Variants in COL4A4 observed in about 807,000 individuals in gnomAD.
COL4A4 encodes collagen type IV alpha 4 chain, also known as collagen alpha-4(IV) chain.
A neutral mutation model predicts 192.9 loss-of-function variants in COL4A4; 105 were observed. That is an observed-to-expected ratio of 0.54 (90% CI 0.46 to 0.64). COL4A4 has a LOEUF of 0.64. Ranked by LOEUF, COL4A4 falls within the 30% of genes least tolerant of loss-of-function variation. COL4A4 has a pLI of 0.00. For missense variants in COL4A4, 1,967 were observed against 2,169.3 expected (o/e 0.91, Z 1.85); for synonymous variants, 762 against 769.9 (o/e 0.99, Z 0.17).
At chr2:227,158,406 C>T (rs1454677849) in intron 1 of COL4A4, among the ~76,000 whole-genome samples, 2 of 152,134 alleles carry the variant, frequency 1.3e-5, no homozygotes, top group Non-Finnish European at 2.9e-5. Context: ...AAAATTTCTG[C>T]AATTTTGGCA....
At chr2:227,030,413 A>G (rs1000139419) in intron 41 of COL4A4, 30 bp downstream of exon 41, 1 of 1,612,068 alleles carries the variant, frequency 6.2e-7, no homozygotes, top group Admixed American at 1.7e-5. Context: ...CAAGTTATTC[A>G]CATATTACTT....
At chr2:227,036,966 T>G (rs543321041) in intron 37 of COL4A4, among the ~76,000 whole-genome samples, 11 of 152,214 alleles carry the variant, frequency 7.2e-5, no homozygotes, top group Non-Finnish European at 1.5e-4. Context: ...GTTCTTGTCA[T>G]GCTACAGGTA....
chr2:227,084,005 A>G (rs543733594), intron 22 of COL4A4, among the ~76,000 whole-genome samples: 6 of 152,306 alleles, frequency 3.9e-5, no homozygotes, highest in African/African-American at 1.4e-4. Context: ...TCCACACATA[A>G]CTCAATATCT....
chr2:226,988,333 A>T, the COL4A4 span: 2 of 1,549,452 alleles, frequency 1.3e-6, no homozygotes, highest in South Asian at 2.4e-5. Context: ...CATCTGCAGG[A>T]AAACCAGGTC....
At chr2:227,027,495 G>T (rs1344093400) in intron 42 of COL4A4, among the ~76,000 whole-genome samples, 1 of 131,230 alleles carries the variant, frequency 7.6e-6, no homozygotes, top group Non-Finnish European at 1.6e-5. Flanking sequence ...GAGGAGGGGG[G>T]AGGGGGGAGG....
intron 17 of COL4A4, among the ~76,000 whole-genome samples, chr2:227,100,869 A>G (rs1245603229): frequency 2.0e-5 from 3 of 149,220 alleles, no homozygotes; most frequent in African/African-American, 7.5e-5. Context: ...CAGTGGTGTG[A>G]TCTCAGCTCA....
At position 227,002,723 on chromosome 2, in the gene COL4A4, G is replaced by C. The variant is rs1054415; in HGVS notation, c.*4602C>G. The C allele has an allele frequency of 0.077, 11,742 of 152,710 alleles. 491 individuals carry two copies. The highest frequency in any genetic ancestry group is 0.18 in the East Asian group (928 of 5,184). 9.5% of individuals were successfully genotyped at this position (152,710 alleles called of 1,614,324 possible). ...AGATAAAACACAGTTGTTTTTGGAA[G>C]TCATCACAGAATTTTATATATAATG... On this transcript the variant is annotated 3_prime_UTR_variant, in exon 48 of 48. Transcript: ENST00000396625.
intron 6 of COL4A4, among the ~76,000 whole-genome samples, chr2:227,119,344 C>T (rs1307938061): frequency 3.3e-5 from 5 of 151,062 alleles, no homozygotes; most frequent in South Asian, 2.1e-4. Context: ...AAAGAGTTTG[C>T]TATGTATAAT....
In COL4A4 at chr2:227,051,171, G is replaced by T. The variant is rs752646263; in HGVS notation, c.2969-13C>A. The T allele has an allele frequency of 3.7e-6, 6 of 1,614,026 alleles. No homozygotes were observed. Among genetic ancestry groups the T allele is most frequent in the Non-Finnish European group, 5.1e-6 (6 of 1,179,900 alleles). Reference sequence around the variant, plus strand: ...GTTCCTTTATCACCTGATGAAGTTGGAAGTGTTACAGGTCTCTGCTGAAAT... The same window carrying T: ...GTTCCTTTATCACCTGATGAAGTTGTAAGTGTTACAGGTCTCTGCTGAAAT... On this transcript the variant is annotated splice_polypyrimidine_tract_variant and intron_variant, in intron 32 of 47. Coordinates refer to ENST00000396625, the MANE Select transcript of COL4A4 (RefSeq NM_000092.5).
At chr2:227,142,117 A>C (rs2063257166) in intron 3 of COL4A4, among the ~76,000 whole-genome samples, 1 of 143,862 alleles carries the variant, frequency 7.0e-6, no homozygotes. Flanking sequence ...AAAAAAAAAA[A>C]ACAGGAATAG....
intron 46 of COL4A4, 104 bp from the exon 47 acceptor site, chr2:227,008,408 C>T: frequency 7.6e-7 from 1 of 1,308,130 alleles, no homozygotes; most frequent in Admixed American, 1.9e-5. Context: ...GTTCTGAAAT[C>T]TGGAGGCCCT....
intron 23 of COL4A4, among the ~76,000 whole-genome samples, chr2:227,081,325 C>T (rs1473934986): frequency 6.6e-6 from 1 of 152,220 alleles, no homozygotes; most frequent in Non-Finnish European, 1.5e-5. Flanking sequence ...GTGGGATAAG[C>T]TGGCTTGCTG....
Position 227,045,966 on chromosome 2 carries a change from T to TA in COL4A4, c.3289+1508_3289+1509insT, listed in dbSNP as rs1559489750. ...ATGTATATATGTATATATGTATATA[T>TA]TTATATGTGTATATGTATATATTTA... On this transcript the variant is annotated intron_variant, in intron 35 of 47. Transcript: ENST00000396625. Among the ~76,000 whole-genome samples, 296 of 43,926 alleles carry TA rather than the reference T, an allele frequency of 6.7e-3. 9 individuals carry two copies. Among genetic ancestry groups the TA allele is most frequent in the African/African-American group, 0.019 (248 of 13,236 alleles). 28.8% of individuals were successfully genotyped at this position (43,926 alleles called of 152,430 possible).
At chr2:227,134,570 G>A (rs2062690883) in intron 4 of COL4A4, among the ~76,000 whole-genome samples, 1 of 152,148 alleles carries the variant, frequency 6.6e-6, no homozygotes, top group African/African-American at 2.4e-5. Context: ...CTGAGTTCTA[G>A]AACTTTGAGT....
chr2:227,103,150 T>A lies in COL4A4; in HGVS notation c.864A>T (p.Gly288=). 1 of 1,610,776 alleles carries A rather than the reference T, an allele frequency of 6.2e-7. No homozygotes were observed. The highest frequency in any genetic ancestry group is 8.5e-7 in the Non-Finnish European group (1 of 1,178,676). Residue 288 remains glycine (G), a synonymous_variant, in exon 14 of 48, where the codon GGA becomes GGT. Transcript: ENST00000396625. The stretch of plus-strand genomic sequence containing the variant: ...AGGTACTTAAATAAACTACCTTGCG[T>A]CCTGGTGGTCCTGGCAGTCCAACCA... ...PGMVGLPGPP[G]RKGESGIGAK... is the part of the protein sequence containing the mutation.
chr2:227,100,352 A>C (rs2060437607), intron 17 of COL4A4, among the ~76,000 whole-genome samples: 1 of 125,408 alleles, frequency 8.0e-6, no homozygotes, highest in Non-Finnish European at 1.8e-5. Context: ...TTAATATGAC[A>C]CTGATATGAT....
Position 227,059,397 on chromosome 2 carries a change from C to T in COL4A4, c.2383+8G>A, listed in dbSNP as rs1421683012. The T allele has an allele frequency of 6.2e-7, 1 of 1,612,494 alleles. No homozygotes were observed. Among genetic ancestry groups the T allele is most frequent in the Non-Finnish European group, 8.5e-7 (1 of 1,178,574 alleles). ...CTATGCACCAAAAGGACAGCAAAGC[C>T]CTCATACCTTCAGCCCCTGGACATC... On this transcript the variant is annotated splice_region_variant and intron_variant, in intron 28 of 47. Transcript: ENST00000396625.
chr2:227,117,683 G>T (rs532235793), intron 7 of COL4A4, among the ~76,000 whole-genome samples: 1 of 151,692 alleles, frequency 6.6e-6, no homozygotes, highest in South Asian at 2.1e-4. Flanking sequence ...ATTTGGAAAG[G>T]TCAAATAATC....
Position 227,015,421 on chromosome 2 carries a change from TG to T in COL4A4, c.4217-3125del, listed in dbSNP as rs565111892. On this transcript the variant is annotated intron_variant, in intron 44 of 47. Coordinates refer to ENST00000396625, the MANE Select transcript of COL4A4 (RefSeq NM_000092.5). ...CTCTCCTTACCTAACAAATCAGGTC[TG>T]GGGGGGACCTCAGCGAGCTGTGTTT... Among the ~76,000 whole-genome samples, 1,423 of 152,164 alleles carry T rather than the reference TG, an allele frequency of 9.4e-3. 21 individuals are homozygous for T. The highest frequency in any genetic ancestry group is 0.032 in the African/African-American group (1,336 of 41,494).
Sources: allele counts gnomAD v4.1 joint callset (sites outside exome capture counted in the v4.1 genomes callset), GRCh38; gene constraint gnomAD v4.1.1; transcripts MANE v1.5; gene names NCBI Gene and HGNC (gene_info 2026-07-23, HGNC 2026-07-21).